Variants in ADGRV1 observed in about 807,000 individuals in gnomAD.
ADGRV1 encodes G-protein coupled receptor 98.
ADGRV1 carries 359 observed loss-of-function variants against 596.2 expected under a neutral mutation model. That is an observed-to-expected ratio of 0.60 (90% CI 0.55 to 0.66). The LOEUF (loss-of-function observed/expected upper bound fraction) is 0.66. Among genes scored for constraint, ADGRV1 ranks in the 30% least tolerant of loss-of-function variants. The probability of loss-of-function intolerance (pLI) is 0.00; values close to 1 mark genes in which losing one functional copy is unlikely to be tolerated. For synonymous variants in ADGRV1, 2,681 were observed against 2,679.2 expected (o/e 1.00, Z -0.02); for missense variants, 7,274 against 7,575.6 (o/e 0.96, Z 1.48).
chr5:90,696,155 CCTT>C (rs1036390266), intron 33 of ADGRV1, among the ~76,000 whole-genome samples: 1 of 152,082 alleles, frequency 6.6e-6, no homozygotes, highest in African/African-American at 2.4e-5. Context: ...TTTTCCCACT[CCTT>C]CATTGTCTCT....
At chr5:90,921,290 C>T (rs1222945878) in intron 83 of ADGRV1, among the ~76,000 whole-genome samples, 2 of 151,870 alleles carry the variant, frequency 1.3e-5, no homozygotes, top group Non-Finnish European at 2.9e-5. Flanking sequence ...TTTTTTGTTT[C>T]ATCATTCAAC....
At chr5:90,955,306 T>A (rs1172595681) in intron 83 of ADGRV1, among the ~76,000 whole-genome samples, 3 of 152,156 alleles carry the variant, frequency 2.0e-5, no homozygotes, top group African/African-American at 7.2e-5. Flanking sequence ...AATCATAATA[T>A]TTTTCTTGCT....
intron 21 of ADGRV1, among the ~76,000 whole-genome samples, chr5:90,662,748 C>T (rs1170221323): frequency 1.3e-5 from 2 of 152,064 alleles, no homozygotes; most frequent in African/African-American, 4.8e-5. Context: ...TCTCCCAATG[C>T]TATCCCTTCC....
intron 88 of ADGRV1, among the ~76,000 whole-genome samples, chr5:91,151,013 T>C (rs914432225): frequency 6.6e-6 from 1 of 152,204 alleles, no homozygotes; most frequent in African/African-American, 2.4e-5. Flanking sequence ...TTACCATTTT[T>C]TTATAAGCTC....
intron 77 of ADGRV1, among the ~76,000 whole-genome samples, chr5:90,832,366 C>T (rs1764596713): frequency 6.6e-6 from 1 of 152,034 alleles, no homozygotes; most frequent in South Asian, 2.1e-4. Context: ...TGTTGAGCAC[C>T]TTTTCTTATC....
At chr5:91,127,102 C>T (rs567007720) in intron 87 of ADGRV1, among the ~76,000 whole-genome samples, 448 of 152,224 alleles carry the variant, frequency 2.9e-3, no homozygotes, top group African/African-American at 0.01. Flanking sequence ...GGTGCTGTAC[C>T]AGACTCTTTG....
chr5:90,954,549 C>T (rs987843752), intron 83 of ADGRV1, among the ~76,000 whole-genome samples: 1 of 152,088 alleles, frequency 6.6e-6, no homozygotes, highest in African/African-American at 2.4e-5. Context: ...TACCTTTTCT[C>T]GTACTTGCTC....
chr5:90,826,612 G>A (rs1764097820), intron 76 of ADGRV1, among the ~76,000 whole-genome samples: 1 of 152,156 alleles, frequency 6.6e-6, no homozygotes, highest in Admixed American at 6.6e-5. Flanking sequence ...ATAAGAGATG[G>A]TGAGTATTGA....
At chr5:90,779,914 G>A (rs1758657993) in intron 64 of ADGRV1, 1 of 152,120 alleles carries the variant, frequency 6.6e-6, no homozygotes, top group Non-Finnish European at 1.5e-5. Flanking sequence ...ACTAAAATAT[G>A]TTACTCAGTG....
intron 1 of ADGRV1, among the ~76,000 whole-genome samples, chr5:90,585,195 T>C (rs150588626): frequency 6.6e-6 from 1 of 152,344 alleles, no homozygotes; most frequent in African/African-American, 2.4e-5. Flanking sequence ...ATGAGTTATA[T>C]AACTTTTGAA....
At chr5:90,639,104 G>GCACA (rs764127320) in intron 11 of ADGRV1, among the ~76,000 whole-genome samples, 74 of 107,956 alleles carry the variant, frequency 6.9e-4, no homozygotes, top group Middle Eastern at 4.8e-3. Flanking sequence ...ACACGCTCGC[G>GCACA]CACACACACA....
chr5:90,686,394 G>T (rs555184571), intron 29 of ADGRV1, among the ~76,000 whole-genome samples: 1 of 152,166 alleles, frequency 6.6e-6, no homozygotes, highest in Non-Finnish European at 1.5e-5. Flanking sequence ...TCCCCAGAGT[G>T]TGATGTTCCC....
At chr5:91,000,573 T>C (rs1460785017) in intron 85 of ADGRV1, among the ~76,000 whole-genome samples, 1 of 152,124 alleles carries the variant, frequency 6.6e-6, no homozygotes, top group African/African-American at 2.4e-5. Flanking sequence ...AGTATGATTT[T>C]GATAGTAAAT....
intron 1 of ADGRV1, among the ~76,000 whole-genome samples, chr5:90,597,603 C>T (rs977545036): frequency 1.3e-5 from 2 of 152,012 alleles, no homozygotes; most frequent in Admixed American, 1.3e-4. Flanking sequence ...AGGGTTAAAT[C>T]TGATATTGAA....
intron 29 of ADGRV1, among the ~76,000 whole-genome samples, chr5:90,687,398 A>G (rs1032454544): frequency 3.3e-5 from 5 of 152,172 alleles, no homozygotes; most frequent in Admixed American, 6.5e-5. Flanking sequence ...ATAAGGTGTA[A>G]GGAAGGGATC....
intron 87 of ADGRV1, among the ~76,000 whole-genome samples, chr5:91,137,232 T>G (rs1794714740): frequency 6.6e-6 from 1 of 152,152 alleles, no homozygotes; most frequent in African/African-American, 2.4e-5. Context: ...AATACAAGCT[T>G]GAGCCACTGT....
intron 50 of ADGRV1, among the ~76,000 whole-genome samples, chr5:90,732,141 C>T (rs1752631628): frequency 6.6e-6 from 1 of 152,144 alleles, no homozygotes; most frequent in Admixed American, 6.5e-5. Flanking sequence ...GCTAGGACTA[C>T]AGGCATGCTC....
At chr5:90,907,826 A>G (rs929237028) in intron 83 of ADGRV1, among the ~76,000 whole-genome samples, 2 of 151,986 alleles carry the variant, frequency 1.3e-5, no homozygotes, top group African/African-American at 4.8e-5. Flanking sequence ...TGGTAGGCAT[A>G]TTGTAGGAGC....
intron 1 of ADGRV1, among the ~76,000 whole-genome samples, chr5:90,607,948 A>T (rs955130308): frequency 2.6e-5 from 4 of 152,118 alleles, no homozygotes; most frequent in Admixed American, 2.6e-4. Context: ...GAATACAAAG[A>T]GGGAAGATTT....
Sources: gnomAD v4.1 joint callset for allele counts (sites outside exome capture counted in the v4.1 genomes callset) on GRCh38, gnomAD v4.1.1 for gene constraint, MANE v1.5 for transcripts, NCBI Gene and HGNC (gene_info 2026-07-23, HGNC 2026-07-21) for gene names.